ADAM9: variants seen among roughly 807,000 people sequenced by gnomAD.
ADAM9 encodes the protein disintegrin and metalloproteinase domain-containing protein 9.
A neutral mutation model predicts 108.1 loss-of-function variants in ADAM9; 54 were observed. That is an observed-to-expected ratio of 0.50 (90% confidence interval 0.40 to 0.63). The LOEUF (loss-of-function observed/expected upper bound fraction) is 0.63, where lower values mean the gene tolerates loss of function less well. Ranked by LOEUF, ADAM9 falls within the 20% of genes least tolerant of loss-of-function variation. ADAM9 has a pLI of 0.00. For missense variants in ADAM9, 830 were observed against 997.7 expected (o/e 0.83, Z 2.26); for synonymous variants, 316 against 336.0 (o/e 0.94, Z 0.65).
intron 12 of ADAM9, among the ~76,000 whole-genome samples, chr8:39,044,737 TTG>T (rs1221408952): frequency 9.9e-5 from 15 of 152,280 alleles, no homozygotes; most frequent in African/African-American, 3.6e-4. Flanking sequence ...GTGTTTGATT[TTG>T]TGTTTCTGAG....
Position 39,105,119 on chromosome 8 carries a change from G to C in ADAM9, c.*1419G>C, listed in dbSNP as rs544157826. 2.0e-4 allele frequency: 80 copies of C among 405,260 alleles called. 1 individual carries two copies. In the East Asian group the frequency reaches 5.4e-3, roughly 27 times the overall value. The allele number at this position is 405,260 out of a possible 1,614,324, so 25.1% of individuals were successfully genotyped here. Reference sequence around the variant, plus strand: ...ACAGATATTATCTCACTAATTTTCAGACTTTTGCCAAAGTGTGCACAATGG... The same window carrying C: ...ACAGATATTATCTCACTAATTTTCACACTTTTGCCAAAGTGTGCACAATGG... On this transcript the variant is annotated 3_prime_UTR_variant, in exon 22 of 22. Transcript: ENST00000487273.
chr8:39,016,421 C>T (rs557182476), intron 5 of ADAM9, among the ~76,000 whole-genome samples: 1 of 151,914 alleles, frequency 6.6e-6, no homozygotes, highest in Non-Finnish European at 1.5e-5. Flanking sequence ...TTTTTTGAGA[C>T]CACTAAATCA....
At chr8:39,050,033 T>G (rs1837905858) in intron 12 of ADAM9, among the ~76,000 whole-genome samples, 1 of 152,220 alleles carries the variant, frequency 6.6e-6, no homozygotes, top group African/African-American at 2.4e-5. Flanking sequence ...TTTTGCCAGA[T>G]ATAGGATTCT....
chr8:39,002,401 C>T (rs891852976), intron 1 of ADAM9, among the ~76,000 whole-genome samples: 6 of 150,144 alleles, frequency 4.0e-5, no homozygotes, highest in African/African-American at 7.4e-5. Context: ...TCACTGCAAC[C>T]TCCACCTCCC....
In ADAM9 at chr8:39,026,754, T is replaced by C. The variant is rs202060547; in HGVS notation, c.1074T>C (p.Asp358=). Residue 358 remains aspartate, a synonymous_variant, in exon 11 of 22, where the codon GAT becomes GAC. Coordinates refer to ENST00000487273, the MANE Select transcript of ADAM9 (RefSeq NM_003816.3). ...GTCATAATCTTGGAATGAATCACGATGATGGGAGAGATTGTTCCTGTGGAG... is the reference window on the plus strand; with the variant it reads ...GTCATAATCTTGGAATGAATCACGACGATGGGAGAGATTGTTCCTGTGGAG... ...ELGHNLGMNH[D]DGRDCSCGAK... 70 of 1,614,074 alleles carry C rather than the reference T, an allele frequency of 4.3e-5. No homozygotes were observed. The highest frequency in any genetic ancestry group is 3.3e-5 in the Admixed American group (2 of 60,008).
At chr8:39,044,091 G>T (rs1483791985) in intron 12 of ADAM9, among the ~76,000 whole-genome samples, 1 of 152,082 alleles carries the variant, frequency 6.6e-6, no homozygotes, top group Non-Finnish European at 1.5e-5. Context: ...TTTTTAGTTT[G>T]ATATAGCCCC....
At chr8:39,044,942 C>A (rs36178442) in intron 12 of ADAM9, among the ~76,000 whole-genome samples, 49,293 of 108,612 alleles carry the variant, frequency 0.45, 11,252 homozygotes, top group East Asian at 0.74. Context: ...GCACACATAC[C>A]TATGTATGTG....
At position 39,045,105 on chromosome 8, in the gene ADAM9, CATACATACATATGTGTGT is replaced by C; in HGVS notation, c.1302+2989_1302+3006del. Among the ~76,000 whole-genome samples the C allele has an allele frequency of 1.4e-4, 2 of 14,484 alleles. 1 individual carries two copies. The highest frequency in any genetic ancestry group is 2.4e-4 in the Non-Finnish European group (2 of 8,414). 9.5% of individuals were successfully genotyped at this position (14,484 alleles called of 152,430 possible). On this transcript the variant is annotated intron_variant, in intron 12 of 21. Coordinates refer to ENST00000487273, the MANE Select transcript of ADAM9 (RefSeq NM_003816.3). ...GTGCATACATACATATGTGTGTGTG[CATACATACATATGTGTGT>C]GTGCATACATACATATATGTGTATA...
rs755598388 is a variant in ADAM9 at position 39,026,674 on chromosome 8, C to T, written c.997-3C>T. The T allele has an allele frequency of 6.2e-7, 1 of 1,614,142 alleles. No individual in the cohort carries two copies. Among genetic ancestry groups the T allele is most frequent in the East Asian group, 2.2e-5 (1 of 44,876 alleles). ...CTAATTACTACCTTCCTGTTCTGAA[C>T]AGTTTGGACAAATCACTGTGGAGAC... On this transcript the variant is annotated splice_polypyrimidine_tract_variant and splice_region_variant and intron_variant, in intron 10 of 21. Transcript: ENST00000487273.
intron 19 of ADAM9, among the ~76,000 whole-genome samples, chr8:39,090,633 C>CTT (rs1419407700): frequency 6.6e-6 from 1 of 152,110 alleles, no homozygotes; most frequent in African/African-American, 2.4e-5. Context: ...AGGAGAAAGG[C>CTT]TTATGTTGGT....
intron 7 of ADAM9, among the ~76,000 whole-genome samples, chr8:39,019,761 A>T (rs1488728373): frequency 6.6e-6 from 1 of 152,052 alleles, no homozygotes; most frequent in Non-Finnish European, 1.5e-5. Context: ...TTTTGGTTTT[A>T]AAAAAATTCC....
Position 39,041,971 on chromosome 8 carries a change from A to C in ADAM9, c.1156A>C (p.Ser386Arg). ...GGGTTCCAGAAACTTTAGCAGTTGC[A>C]GTGCAGAGGACTTTGAGAAGTTAAC... ...ASGSRNFSSC[S>R]AEDFEKLTLN... The change falls in exon 12 of 22, where the codon AGT becomes CGT. Residue 386 changes from serine (S) to arginine (R), a missense_variant. Coordinates refer to ENST00000487273, the MANE Select transcript of ADAM9 (RefSeq NM_003816.3). 1.9e-6 allele frequency: 3 copies of C among 1,614,030 alleles called. No homozygotes were observed. Among genetic ancestry groups the C allele is most frequent in the Non-Finnish European group, 2.5e-6 (3 of 1,179,896 alleles).
At chr8:39,100,225 C>T (rs1233332237) in intron 20 of ADAM9, among the ~76,000 whole-genome samples, 4 of 151,694 alleles carry the variant, frequency 2.6e-5, no homozygotes, top group Non-Finnish European at 5.9e-5. Context: ...CGCGGTGGCT[C>T]ATACTTGTAA....
intron 15 of ADAM9, among the ~76,000 whole-genome samples, chr8:39,073,513 A>G (rs554610765): frequency 3.5e-4 from 54 of 152,340 alleles, no homozygotes; most frequent in African/African-American, 1.3e-3. Context: ...ACTAAACTGT[A>G]AGGTTCAGTG....
chr8:39,063,493 A>G (rs537766975), intron 14 of ADAM9, among the ~76,000 whole-genome samples: 1 of 152,312 alleles, frequency 6.6e-6, no homozygotes, highest in African/African-American at 2.4e-5. Context: ...GAGGTGAGGC[A>G]GGCAGATCAC....
intron 7 of ADAM9, among the ~76,000 whole-genome samples, chr8:39,019,558 A>G (rs1332210239): frequency 6.6e-6 from 1 of 152,226 alleles, no homozygotes; most frequent in East Asian, 1.9e-4. Context: ...TTGATATATA[A>G]TACTTCACAT....
At chr8:39,101,815 A>G (rs1172309253) in intron 20 of ADAM9, 48 bp from the exon 21 acceptor site, 2 of 1,408,268 alleles carry the variant, frequency 1.4e-6, no homozygotes, top group African/African-American at 1.4e-5. Flanking sequence ...TAGAAATCAT[A>G]TTTATGAGCA....
chr8:39,028,160 C>T (rs1836984759), intron 11 of ADAM9, among the ~76,000 whole-genome samples: 1 of 152,172 alleles, frequency 6.6e-6, no homozygotes, highest in Non-Finnish European at 1.5e-5. Flanking sequence ...TTCCCACCTC[C>T]CTCAGGCTCC....
intron 7 of ADAM9, among the ~76,000 whole-genome samples, chr8:39,021,436 A>G (rs1474137573): frequency 2.6e-5 from 4 of 152,114 alleles, no homozygotes; most frequent in Non-Finnish European, 5.9e-5. Flanking sequence ...GGCACCTGCC[A>G]CCACGCCTGG....
Sources: gnomAD v4.1 joint callset for allele counts (sites outside exome capture counted in the v4.1 genomes callset) on GRCh38, gnomAD v4.1.1 for gene constraint, MANE v1.5 for transcripts, NCBI Gene and HGNC (gene_info 2026-07-23, HGNC 2026-07-21) for gene names.